SLX4IP: variants seen among roughly 807,000 people sequenced by gnomAD.
The protein encoded by SLX4IP is protein SLX4IP.
Under a neutral mutation model 32.9 loss-of-function variants are expected in SLX4IP, and 34 were observed. The observed-to-expected ratio is 1.03, with a 90% CI of 0.79 to 1.38. SLX4IP has a LOEUF of 1.38. Ranked by LOEUF, SLX4IP falls within the 40% of genes most tolerant of loss-of-function variation. The probability of loss-of-function intolerance (pLI) is 0.00; values close to 1 mark genes in which losing one functional copy is unlikely to be tolerated. For synonymous variants in SLX4IP, 172 were observed against 171.7 expected (o/e 1.00, Z -0.01); for missense variants, 444 against 479.0 (o/e 0.93, Z 0.68).
chr20:10,436,678 T>C (rs1339207288), intron 1 of SLX4IP, among the ~76,000 whole-genome samples: 1 of 152,182 alleles, frequency 6.6e-6, no homozygotes, highest in Non-Finnish European at 1.5e-5. Flanking sequence ...GTTCAACCCG[T>C]GCTTCTTAAC....
chr20:10,588,122 AC>A (rs1434606192), intron 4 of SLX4IP, among the ~76,000 whole-genome samples: 3 of 152,078 alleles, frequency 2.0e-5, no homozygotes, highest in African/African-American at 7.2e-5. Context: ...AACTCATACA[AC>A]TCAATAGCAA....
chr20:10,470,555 A>G (rs906894459), intron 2 of SLX4IP, among the ~76,000 whole-genome samples: 3 of 152,340 alleles, frequency 2.0e-5, no homozygotes, highest in East Asian at 3.9e-4. Context: ...TGTTGGAAAT[A>G]ATCAGGTTAT....
chr20:10,526,865 C>T (rs996522152), intron 2 of SLX4IP, among the ~76,000 whole-genome samples: 9 of 152,080 alleles, frequency 5.9e-5, no homozygotes, highest in African/African-American at 2.2e-4. Context: ...GATGGGAGGA[C>T]TGCTTGAGGC....
intron 2 of SLX4IP, among the ~76,000 whole-genome samples, chr20:10,541,916 A>T (rs192633933): frequency 1.4e-3 from 219 of 152,360 alleles, no homozygotes; most frequent in African/African-American, 5.0e-3. Context: ...GTTTGCATAC[A>T]TATGTATCTG....
At chr20:10,621,151 C>T (rs2067106722) in intron 6 of SLX4IP, among the ~76,000 whole-genome samples, 163 bp from the exon 7 acceptor site, 1 of 152,116 alleles carries the variant, frequency 6.6e-6, no homozygotes, top group South Asian at 2.1e-4. Flanking sequence ...TACAATTAAC[C>T]ATAAAGTCCT....
chr20:10,504,081 A>C (rs542456785), intron 2 of SLX4IP, among the ~76,000 whole-genome samples: 1 of 152,332 alleles, frequency 6.6e-6, no homozygotes, highest in African/African-American at 2.4e-5. Flanking sequence ...GTGAGAAAGA[A>C]GCAGCAGCCA....
chr20:10,606,077 T>G (rs758658339), intron 6 of SLX4IP, among the ~76,000 whole-genome samples: 3 of 152,178 alleles, frequency 2.0e-5, no homozygotes, highest in Admixed American at 1.3e-4. Context: ...AAAAATCTTT[T>G]CTCACATGGG....
chr20:10,584,383 G>A (rs2066621181), intron 4 of SLX4IP, among the ~76,000 whole-genome samples: 1 of 152,124 alleles, frequency 6.6e-6, no homozygotes, highest in South Asian at 2.1e-4. Flanking sequence ...TGTGTTTAAA[G>A]AACTAGGATA....
chr20:10,493,859 CTT>C (rs58299545), intron 2 of SLX4IP, among the ~76,000 whole-genome samples: 7 of 70,542 alleles, frequency 9.9e-5, no homozygotes, highest in African/African-American at 2.9e-4. Context: ...TTATAGTTGC[CTT>C]TTTTTTTTTT....
intron 2 of SLX4IP, among the ~76,000 whole-genome samples, chr20:10,507,948 C>T (rs1600942095): frequency 6.6e-6 from 1 of 151,028 alleles, no homozygotes; most frequent in Non-Finnish European, 1.5e-5. Flanking sequence ...GATATATATA[C>T]ACATATGTGT....
intron 4 of SLX4IP, among the ~76,000 whole-genome samples, chr20:10,561,764 T>C (rs1007943997): frequency 6.6e-5 from 10 of 152,176 alleles, no homozygotes; most frequent in African/African-American, 2.4e-4. Flanking sequence ...TGGCTTTCCA[T>C]TCCTGAGTTA....
chr20:10,523,231 T>C (rs1172058916), intron 2 of SLX4IP, among the ~76,000 whole-genome samples: 1 of 152,158 alleles, frequency 6.6e-6, no homozygotes, highest in South Asian at 2.1e-4. Context: ...TACCACGAGA[T>C]ACTGTGACAG....
intron 1 of SLX4IP, among the ~76,000 whole-genome samples, chr20:10,440,541 CAG>C (rs1319908236): frequency 3.3e-5 from 5 of 151,978 alleles, no homozygotes; most frequent in South Asian, 2.1e-4. Context: ...ATGTAGTTTT[CAG>C]AGTTTTAATC....
Position 10,540,096 on chromosome 20 carries a change from T to TTCC in SLX4IP, c.28-16134_28-16133insCCT, listed in dbSNP as rs1380282080. On this transcript the variant is annotated intron_variant, in intron 2 of 7. Coordinates refer to ENST00000334534, the MANE Select transcript of SLX4IP (RefSeq NM_001009608.3). ...TTCTTTCTTTTCTCTCCTTCCTTCC[T>TTCC]TTCCTTCCTTCCTTCCTTCCTTCCT... 2.1e-4 allele frequency among the ~76,000 whole-genome samples: 23 copies of TTCC among 111,808 alleles called. 1 individual carries two copies. Among genetic ancestry groups the TTCC allele is most frequent in the African/African-American group, 4.4e-4 (14 of 31,670 alleles). 73.4% of individuals were successfully genotyped at this position (111,808 alleles called of 152,430 possible).
At chr20:10,596,650 A>G (rs947749150) in intron 4 of SLX4IP, among the ~76,000 whole-genome samples, 3 of 152,132 alleles carry the variant, frequency 2.0e-5, no homozygotes, top group Non-Finnish European at 2.9e-5. Flanking sequence ...AACAGATATT[A>G]TACTTTTTTT....
rs374225015 is a variant in SLX4IP at position 10,626,870 on chromosome 20, C to G, written c.*3491C>G. ...TTGATTTATGAAGAATATAGCTTCTCTCTGAAGTATCTCAAGATATATCTT... is the reference window on the plus strand; with the variant it reads ...TTGATTTATGAAGAATATAGCTTCTGTCTGAAGTATCTCAAGATATATCTT... On this transcript the variant is annotated 3_prime_UTR_variant, in exon 8 of 8. Transcript: ENST00000334534. 1 of 152,214 alleles carries G rather than the reference C, an allele frequency of 6.6e-6. No homozygotes were observed. Among genetic ancestry groups the G allele is most frequent in the East Asian group, 1.9e-4 (1 of 5,206 alleles). 9.4% of individuals were successfully genotyped at this position (152,214 alleles called of 1,614,324 possible). A position where few individuals can be genotyped will look rare whatever the true frequency, so the allele number is the denominator to read the frequency against.
intron 4 of SLX4IP, among the ~76,000 whole-genome samples, chr20:10,583,040 A>C (rs1568753936): frequency 6.6e-6 from 1 of 152,186 alleles, no homozygotes; most frequent in African/African-American, 2.4e-5. Flanking sequence ...CAGAAATTTC[A>C]AATACATACA....
At chr20:10,594,467 CACTGTT>C (rs1200441394) in intron 4 of SLX4IP, among the ~76,000 whole-genome samples, 1 of 152,162 alleles carries the variant, frequency 6.6e-6, no homozygotes, top group Non-Finnish European at 1.5e-5. Context: ...GAGGACTTCC[CACTGTT>C]ACGCACCAGA....
intron 2 of SLX4IP, among the ~76,000 whole-genome samples, chr20:10,485,531 C>T (rs577600210): frequency 5.1e-4 from 78 of 151,918 alleles, no homozygotes; most frequent in African/African-American, 1.5e-3. Flanking sequence ...GCAGGAGAAT[C>T]GCTTGAACCC....
Sources: gnomAD v4.1 joint callset for allele counts (sites outside exome capture counted in the v4.1 genomes callset) on GRCh38, gnomAD v4.1.1 for gene constraint, MANE v1.5 for transcripts, NCBI Gene and HGNC (gene_info 2026-07-23, HGNC 2026-07-21) for gene names.